SLC15A5: variants seen among roughly 807,000 people sequenced by gnomAD.
The protein encoded by SLC15A5 is Peptide/histidine transporter ENSP00000340402.
SLC15A5 carries 58 observed loss-of-function variants against 56.1 expected under a neutral mutation model. The observed-to-expected ratio is 1.03, with a 90% CI of 0.84 to 1.29. SLC15A5 has a LOEUF of 1.29. Ranked by LOEUF, SLC15A5 falls within the 50% of genes most tolerant of loss-of-function variation. The probability of loss-of-function intolerance (pLI) is 0.00; values close to 1 mark genes in which losing one functional copy is unlikely to be tolerated. For missense variants in SLC15A5, 681 were observed against 672.1 expected, an observed-to-expected ratio of 1.01 and a Z score of -0.15; for synonymous variants, 264 against 250.5, an observed-to-expected ratio of 1.05 and a Z score of -0.51.
At chr12:16,259,904 G>GCGC (rs1555173561) in intron 2 of SLC15A5, among the ~76,000 whole-genome samples, 3 of 151,678 alleles carry the variant, frequency 2.0e-5, no homozygotes, top group Admixed American at 2.0e-4. Context: ...ACCCGGGCGG[G>GCGC]GGGTAAGTTA....
chr12:16,230,120 A>G (rs1864282045), intron 5 of SLC15A5, among the ~76,000 whole-genome samples: 1 of 152,230 alleles, frequency 6.6e-6, no homozygotes. Context: ...GTTTAATCCC[A>G]GCAAGGAAAG....
chr12:16,216,733 T>C (rs1360108197), intron 7 of SLC15A5, among the ~76,000 whole-genome samples, 160 bp downstream of exon 7: 1 of 152,178 alleles, frequency 6.6e-6, no homozygotes, highest in Non-Finnish European at 1.5e-5. Context: ...AATTAATGAA[T>C]ACAGCAAGAG....
intron 7 of SLC15A5, among the ~76,000 whole-genome samples, chr12:16,199,812 C>T (rs1863934736): frequency 6.6e-6 from 1 of 152,022 alleles, no homozygotes; most frequent in Admixed American, 6.6e-5. Context: ...GGATGCAGTG[C>T]AACCTGCCTG....
At chr12:16,225,056 C>T (rs1864227736) in intron 5 of SLC15A5, among the ~76,000 whole-genome samples, 1 of 152,082 alleles carries the variant, frequency 6.6e-6, no homozygotes, top group South Asian at 2.1e-4. Flanking sequence ...AGGACATGAA[C>T]CCATGATTTT....
chr12:16,270,138 G>C (rs1864735261), intron 2 of SLC15A5, among the ~76,000 whole-genome samples: 1 of 152,138 alleles, frequency 6.6e-6, no homozygotes, highest in East Asian at 1.9e-4. Flanking sequence ...ATGTTGGCTG[G>C]GAGTGGTTTT....
At chr12:16,226,093 A>T (rs1027657552) in intron 5 of SLC15A5, among the ~76,000 whole-genome samples, 4 of 152,220 alleles carry the variant, frequency 2.6e-5, no homozygotes, top group African/African-American at 9.6e-5. Context: ...GACCCCAAAG[A>T]CACCAAAATT....
At chr12:16,215,134 C>T (rs989294636) in intron 7 of SLC15A5, among the ~76,000 whole-genome samples, 6 of 132,374 alleles carry the variant, frequency 4.5e-5, no homozygotes, top group Non-Finnish European at 7.7e-5. Flanking sequence ...ACTTGGGAGG[C>T]GGAGGTTGCA....
Position 16,197,391 on chromosome 12 carries a change from T to A in SLC15A5, c.1484-2938A>T, listed in dbSNP as rs1863904354. ...GTTTACTTTATTTATATGGAGATGATCTGTCTATGTGAAGAGACAGAATTG... is the reference window on the plus strand; with the variant it reads ...GTTTACTTTATTTATATGGAGATGAACTGTCTATGTGAAGAGACAGAATTG... On this transcript the variant is annotated intron_variant, in intron 7 of 8. Coordinates refer to ENST00000344941, the MANE Select transcript of SLC15A5 (RefSeq NM_001170798.1). Among the ~76,000 whole-genome samples the A allele has an allele frequency of 2.0e-5, 3 of 151,604 alleles. No homozygotes were observed. The East Asian group carries it at 5.8e-4, about 30-fold the overall frequency.
At chr12:16,265,658 T>C (rs1398178600) in intron 2 of SLC15A5, among the ~76,000 whole-genome samples, 3 of 151,998 alleles carry the variant, frequency 2.0e-5, no homozygotes, top group Non-Finnish European at 2.9e-5. Context: ...TTTTTTTGTA[T>C]TTTTTGTAGA....
chr12:16,239,234 TA>T (rs1864386629), intron 5 of SLC15A5, among the ~76,000 whole-genome samples: 17 of 118,206 alleles, frequency 1.4e-4, no homozygotes, highest in Admixed American at 1.4e-3. Flanking sequence ...AATGATATCC[TA>T]AATTGCACTA....
At chr12:16,251,550 C>T (rs1021301357) in intron 3 of SLC15A5, among the ~76,000 whole-genome samples, 2 of 151,588 alleles carry the variant, frequency 1.3e-5, no homozygotes, top group Non-Finnish European at 3.0e-5. Context: ...GAATTGTACG[C>T]CAACAAATTA....
chr12:16,233,263 A>AC (rs1555171940), intron 5 of SLC15A5, among the ~76,000 whole-genome samples: 2 of 151,988 alleles, frequency 1.3e-5, no homozygotes, highest in Admixed American at 1.3e-4. Flanking sequence ...AAGCATCACT[A>AC]TTTTTTTTCT....
chr12:16,266,084 A>G (rs573456044), intron 2 of SLC15A5, among the ~76,000 whole-genome samples: 2 of 152,314 alleles, frequency 1.3e-5, no homozygotes, highest in South Asian at 4.1e-4. Context: ...GAGCAAACTG[A>G]TTTACTGTGA....
intron 1 of SLC15A5, among the ~76,000 whole-genome samples, chr12:16,275,918 C>A (rs746828120): frequency 6.6e-6 from 1 of 151,888 alleles, no homozygotes; most frequent in African/African-American, 2.4e-5. Flanking sequence ...TTTCTCGGTA[C>A]CAAGTAGCAG....
At position 16,248,176 on chromosome 12, in the gene SLC15A5, T is replaced by C. The variant is rs1483538719; in HGVS notation, c.755-3376A>G. Among the ~76,000 whole-genome samples, 3 of 152,192 alleles carry C rather than the reference T, an allele frequency of 2.0e-5. No homozygotes were observed. In the East Asian group the frequency reaches 5.8e-4, roughly 29 times the overall value. ...AGCTGAATCAGGAGTTGTGTTTTGG[T>C]CAAATTAAGTTTGAGGAATTATTAG... On this transcript the variant is annotated intron_variant, in intron 3 of 8. Transcript: ENST00000344941.
At chr12:16,221,989 G>C (rs1214801074) in intron 6 of SLC15A5, among the ~76,000 whole-genome samples, 1 of 152,104 alleles carries the variant, frequency 6.6e-6, no homozygotes, top group Non-Finnish European at 1.5e-5. Context: ...CTGGGAACAG[G>C]ACACCTGTGC....
At chr12:16,204,397 C>T (rs1863992796) in intron 7 of SLC15A5, among the ~76,000 whole-genome samples, 1 of 147,936 alleles carries the variant, frequency 6.8e-6, no homozygotes, top group African/African-American at 2.5e-5. Flanking sequence ...GCAGAGGTTG[C>T]AGCACTCCAA....
rs1041475124 is a variant in SLC15A5, at chr12:16,201,675, C to T, written c.1484-7222G>A. ...GGCTCTTCCCCCTTCACTCAGTATTCTCCTTCCTGATGCCTTTGAAGAAGG... is the reference window on the plus strand; with the variant it reads ...GGCTCTTCCCCCTTCACTCAGTATTTTCCTTCCTGATGCCTTTGAAGAAGG... On this transcript the variant is annotated intron_variant, in intron 7 of 8. Coordinates refer to ENST00000344941, the MANE Select transcript of SLC15A5 (RefSeq NM_001170798.1). Among the ~76,000 whole-genome samples, 133 of 152,218 alleles carry T rather than the reference C, an allele frequency of 8.7e-4. 2 individuals are homozygous for T. The highest frequency in any genetic ancestry group is 8.5e-3 in the Admixed American group (130 of 15,272).
chr12:16,197,609 G>C (rs565602548), intron 7 of SLC15A5, among the ~76,000 whole-genome samples: 2 of 152,156 alleles, frequency 1.3e-5, no homozygotes, highest in African/African-American at 4.8e-5. Context: ...GGTTGTCAAG[G>C]GCCGGACACA....
Sources: gnomAD v4.1 joint callset for allele counts (sites outside exome capture counted in the v4.1 genomes callset) on GRCh38, gnomAD v4.1.1 for gene constraint, MANE v1.5 for transcripts, NCBI Gene and HGNC (gene_info 2026-07-23, HGNC 2026-07-21) for gene names.